The following EPHA6 variants were observed in gnomAD, a reference collection of about 807,000 sequenced individuals.
The protein encoded by EPHA6 is EPH receptor A6, also known as ephrin type-A receptor 6.
Under a neutral mutation model 112.0 loss-of-function variants are expected in EPHA6, and 50 were observed. That is an observed-to-expected ratio of 0.45 (90% CI 0.36 to 0.56). The LOEUF (loss-of-function observed/expected upper bound fraction) is 0.56. Ranked by LOEUF, EPHA6 falls within the 20% of genes least tolerant of loss-of-function variation. The pLI is 0.00. For missense variants in EPHA6, 1,280 were observed against 1,417.4 expected (o/e 0.90, Z 1.56); for synonymous variants, 529 against 490.7 (o/e 1.08, Z -1.03).
intron 12 of EPHA6, among the ~76,000 whole-genome samples, chr3:97,594,132 C>T (rs964823263): frequency 2.0e-5 from 3 of 152,176 alleles, no homozygotes; most frequent in Non-Finnish European, 2.9e-5. Context: ...AATGGCCTCA[C>T]CCTTAACTCT....
At chr3:96,864,635 A>G (rs1576177453) in intron 1 of EPHA6, among the ~76,000 whole-genome samples, 1 of 152,070 alleles carries the variant, frequency 6.6e-6, no homozygotes, top group East Asian at 1.9e-4. Flanking sequence ...CCATGGATGT[A>G]GGAGTTTGTC....
chr3:97,669,491 G>A (rs980435931), intron 14 of EPHA6, among the ~76,000 whole-genome samples: 1 of 151,622 alleles, frequency 6.6e-6, no homozygotes, highest in Admixed American at 6.6e-5. Flanking sequence ...ACCATGGCCA[G>A]GCACAGTGGC....
At chr3:97,041,376 G>T (rs2045308598) in intron 3 of EPHA6, among the ~76,000 whole-genome samples, 1 of 152,034 alleles carries the variant, frequency 6.6e-6, no homozygotes, top group Non-Finnish European at 1.5e-5. Flanking sequence ...AAAATTTGGG[G>T]TCTATTGGAC....
intron 2 of EPHA6, among the ~76,000 whole-genome samples, chr3:96,901,961 G>C (rs1343183402): frequency 6.6e-6 from 1 of 152,124 alleles, no homozygotes. Context: ...TTTAACTATT[G>C]TGCTTACAAA....
intron 11 of EPHA6, among the ~76,000 whole-genome samples, chr3:97,555,317 T>C (rs1215087279): frequency 6.6e-6 from 1 of 152,146 alleles, no homozygotes; most frequent in East Asian, 1.9e-4. Context: ...ATTTTCTTAA[T>C]CCAGTCTATC....
intron 3 of EPHA6, among the ~76,000 whole-genome samples, chr3:97,185,668 A>C (rs915833336): frequency 6.6e-6 from 1 of 152,074 alleles, no homozygotes; most frequent in African/African-American, 2.4e-5. Flanking sequence ...TTCCTCAGGG[A>C]TCTAGAACTA....
At chr3:96,862,257 T>C (rs948349356) in intron 1 of EPHA6, among the ~76,000 whole-genome samples, 39 of 151,932 alleles carry the variant, frequency 2.6e-4, no homozygotes, top group Non-Finnish European at 5.9e-5. Context: ...CTATTGGAGG[T>C]AGTAGAGTGT....
intron 12 of EPHA6, among the ~76,000 whole-genome samples, chr3:97,605,179 CT>C (rs1340335246): frequency 7.1e-4 from 106 of 150,330 alleles, no homozygotes; most frequent in Admixed American, 2.6e-3. Context: ...ATTTAAGCTG[CT>C]TTTTTTTTAA....
At chr3:97,419,565 C>G (rs1474824736) in intron 6 of EPHA6, among the ~76,000 whole-genome samples, 1 of 152,014 alleles carries the variant, frequency 6.6e-6, no homozygotes, top group Non-Finnish European at 1.5e-5. Flanking sequence ...GCGGAGGTTG[C>G]AGTGAGGTGA....
chr3:97,047,215 C>T (rs2045537420), intron 3 of EPHA6, among the ~76,000 whole-genome samples: 1 of 151,478 alleles, frequency 6.6e-6, no homozygotes, highest in Non-Finnish European at 1.5e-5. Context: ...TATAAGAAAC[C>T]AGGGGCCGGG....
intron 5 of EPHA6, among the ~76,000 whole-genome samples, chr3:97,266,018 C>T (rs1379320244): frequency 6.6e-6 from 1 of 152,152 alleles, no homozygotes; most frequent in Non-Finnish European, 1.5e-5. Flanking sequence ...GGTTAATATG[C>T]CCATAACTTA....
At chr3:97,519,787 T>G (rs2092508054) in intron 10 of EPHA6, among the ~76,000 whole-genome samples, 2 of 152,096 alleles carry the variant, frequency 1.3e-5, no homozygotes, top group East Asian at 3.9e-4. Context: ...GGTAGTTTAT[T>G]ATTGGTGTGT....
chr3:96,987,048 G>C (rs2043048661), intron 2 of EPHA6, among the ~76,000 whole-genome samples: 1 of 152,164 alleles, frequency 6.6e-6, no homozygotes, highest in Non-Finnish European at 1.5e-5. Context: ...CTGTGAAACA[G>C]GTACTATTAT....
At chr3:97,251,544 A>T in intron 5 of EPHA6, among the ~76,000 whole-genome samples, 1 of 152,260 alleles carries the variant, frequency 6.6e-6, no homozygotes, top group African/African-American at 2.4e-5. Flanking sequence ...AAAATAAATA[A>T]AACAAAATTA....
At chr3:97,570,965 C>A (rs915251318) in intron 11 of EPHA6, among the ~76,000 whole-genome samples, 1 of 152,086 alleles carries the variant, frequency 6.6e-6, no homozygotes, top group African/African-American at 2.4e-5. Flanking sequence ...AGGAAGTCAT[C>A]TTCAGAGTGT....
intron 5 of EPHA6, among the ~76,000 whole-genome samples, chr3:97,342,852 T>G (rs2083377817): frequency 6.6e-6 from 1 of 152,154 alleles, no homozygotes; most frequent in African/African-American, 2.4e-5. Flanking sequence ...TCCAGAACTG[T>G]GAGAAATAAA....
chr3:96,875,222 C>G (rs1045131372), intron 2 of EPHA6, among the ~76,000 whole-genome samples: 2 of 152,170 alleles, frequency 1.3e-5, no homozygotes, highest in South Asian at 4.1e-4. Flanking sequence ...GAGGAGAACT[C>G]AGGCACATGA....
At chr3:97,127,310 C>T (rs570324197) in intron 3 of EPHA6, among the ~76,000 whole-genome samples, 5 of 152,222 alleles carry the variant, frequency 3.3e-5, no homozygotes, top group African/African-American at 1.2e-4. Context: ...TGTTCCTTTC[C>T]TCCAGGTATA....
At chr3:96,867,552 A>G (rs370528542) in intron 2 of EPHA6, among the ~76,000 whole-genome samples, 3 of 151,842 alleles carry the variant, frequency 2.0e-5, no homozygotes, top group African/African-American at 7.2e-5. Flanking sequence ...GAGCTAAAAT[A>G]AAAGGGTGGT....
Sources: allele counts gnomAD v4.1 joint callset (sites outside exome capture counted in the v4.1 genomes callset), GRCh38; gene constraint gnomAD v4.1.1; transcripts MANE v1.5; gene names NCBI Gene and HGNC (gene_info 2026-07-23, HGNC 2026-07-21).